The following DCAKD variants were observed in gnomAD, a reference collection of about 807,000 sequenced individuals.
DCAKD encodes the protein dephospho-CoA kinase domain containing.
Under a neutral mutation model 18.7 loss-of-function variants are expected in DCAKD, and 15 were observed. The observed-to-expected ratio is 0.80, with a 90% CI of 0.54 to 1.24. DCAKD has a LOEUF of 1.24. Ranked by LOEUF, DCAKD falls within the 50% of genes most tolerant of loss-of-function variation. DCAKD has a pLI of 0.00. For missense variants in DCAKD, 301 were observed against 322.0 expected, an observed-to-expected ratio of 0.93 and a Z score of 0.50; for synonymous variants, 130 against 133.0, an observed-to-expected ratio of 0.98 and a Z score of 0.16.
chr17:45,041,316 C>CA (rs1262840994), intron 1 of DCAKD, among the ~76,000 whole-genome samples: 1 of 145,362 alleles, frequency 6.9e-6, no homozygotes, highest in East Asian at 2.0e-4. Flanking sequence ...CATGCGGGCT[C>CA]TTTTTTTTTT....
At chr17:45,024,831 TG>T in intron 4 of DCAKD, 107 bp from the exon 5 acceptor site, 1 of 1,358,370 alleles carries the variant, frequency 7.4e-7, no homozygotes, top group Non-Finnish European at 9.8e-7. Context: ...GCATGGGGAC[TG>T]GATCTTCCCT....
In DCAKD at chr17:45,023,407, C is replaced by G. The variant is rs1014829063; in HGVS notation, c.*1026G>C. The G allele has an allele frequency of 2.3e-4, 35 of 152,106 alleles. No individual in the cohort carries two copies. Among genetic ancestry groups the G allele is most frequent in the African/African-American group, 8.2e-4 (34 of 41,412 alleles). 9.4% of individuals were successfully genotyped at this position (152,106 alleles called of 1,614,324 possible). ...CACCAACAGCGGGCCAGGCTCTGCA[C>G]TAAGAACACAGAGATGAATAAGACA... On this transcript the variant is annotated 3_prime_UTR_variant, in exon 5 of 5. Coordinates refer to ENST00000651974, the MANE Select transcript of DCAKD (RefSeq NM_001288655.2).
intron 4 of DCAKD, among the ~76,000 whole-genome samples, chr17:45,028,074 T>C (rs1452270272): frequency 2.7e-5 from 4 of 150,816 alleles, no homozygotes; most frequent in East Asian, 3.9e-4. Flanking sequence ...CACATGCAGG[T>C]GTCGGCCCCT....
At position 45,036,626 on chromosome 17, in the gene DCAKD, T is replaced by C. The variant is rs190833208; in HGVS notation, c.-114-1627A>G. On this transcript the variant is annotated intron_variant, in intron 1 of 4. Coordinates refer to ENST00000651974, the MANE Select transcript of DCAKD (RefSeq NM_001288655.2). ...GAGGATAGTGATACAGGGTGAAAAGTAGGAGTTACAGTTCCACTGCAAGGC... is the reference window on the plus strand; with the variant it reads ...GAGGATAGTGATACAGGGTGAAAAGCAGGAGTTACAGTTCCACTGCAAGGC... Among the ~76,000 whole-genome samples the C allele has an allele frequency of 5.3e-5, 8 of 151,614 alleles. No homozygotes were observed. The East Asian group carries it at 1.6e-3, about 29-fold the overall frequency.
At chr17:45,048,415 G>A (rs1197536708) in intron 1 of DCAKD, among the ~76,000 whole-genome samples, 1 of 151,968 alleles carries the variant, frequency 6.6e-6, no homozygotes, top group African/African-American at 2.4e-5. Flanking sequence ...GGCCGAGGGC[G>A]GATCACGAGG....
Position 45,024,293 on chromosome 17 carries a change from G to A in DCAKD, c.*140C>T. Reference sequence around the variant, plus strand: ...GCCCTGATTCGGAGAGTCCGTGTGTGTGTGTGTGTGTGTGTGTGTGTGTGT... The same window carrying A: ...GCCCTGATTCGGAGAGTCCGTGTGTATGTGTGTGTGTGTGTGTGTGTGTGT... On this transcript the variant is annotated 3_prime_UTR_variant, in exon 5 of 5. Transcript: ENST00000651974. 1 of 394,558 alleles carries A rather than the reference G, an allele frequency of 2.5e-6. No homozygotes were observed. 24.4% of individuals were successfully genotyped at this position (394,558 alleles called of 1,614,324 possible).
chr17:45,025,420 C>T (rs542903654), intron 4 of DCAKD, among the ~76,000 whole-genome samples: 91 of 152,284 alleles, frequency 6.0e-4, no homozygotes, highest in African/African-American at 2.1e-3. Flanking sequence ...GGATTCAGCA[C>T]TGCAGATTAG....
At chr17:45,031,390 A>C (rs2053168464) in intron 3 of DCAKD, 1 of 978,120 alleles carries the variant, frequency 1.0e-6, no homozygotes, top group Non-Finnish European at 1.2e-6. Flanking sequence ...CCACCATGTG[A>C]CCTTGGGCCC....
In DCAKD at chr17:45,033,906, T is replaced by G. The variant is rs1164633124; in HGVS notation, c.316+281A>C. The G allele has an allele frequency of 3.5e-6, 5 of 1,420,888 alleles. No homozygotes were observed. In the South Asian group the frequency reaches 6.5e-5, roughly 18 times the overall value. The allele number at this position is 1,420,888 out of a possible 1,614,324, so 88.0% of individuals were successfully genotyped here. A position where few individuals can be genotyped will look rare whatever the true frequency, so the allele number is the denominator to read the frequency against. ...TCCATTATTCACCAGCTCTTATTAC[T>G]CCCATCCCTACTAGAAAAACCAACT... On this transcript the variant is annotated intron_variant, in intron 3 of 4. Transcript: ENST00000651974.
At chr17:45,044,974 G>C (rs1213552973) in intron 1 of DCAKD, among the ~76,000 whole-genome samples, 1 of 152,220 alleles carries the variant, frequency 6.6e-6, no homozygotes, top group Non-Finnish European at 1.5e-5. Flanking sequence ...AGGGCATGGA[G>C]TTTATATGAA....
intron 3 of DCAKD, chr17:45,031,279 A>T (rs2053166592): frequency 1.0e-6 from 1 of 985,066 alleles, no homozygotes; most frequent in Non-Finnish European, 1.2e-6. Context: ...GTTCCCCAAG[A>T]CCTGCTGCTC....
intron 1 of DCAKD, among the ~76,000 whole-genome samples, chr17:45,058,007 T>TC (rs1315055136): frequency 3.8e-5 from 2 of 53,182 alleles, no homozygotes; most frequent in African/African-American, 8.2e-5. Flanking sequence ...AGATTCCGTC[T>TC]CAAAAAAAAA....
intron 1 of DCAKD, among the ~76,000 whole-genome samples, chr17:45,048,529 CAG>C (rs2143364811): frequency 1.3e-5 from 2 of 152,284 alleles, no homozygotes; most frequent in Non-Finnish European, 2.9e-5. Context: ...CCCAGCTACT[CAG>C]GAGGCTGAGG....
intron 1 of DCAKD, among the ~76,000 whole-genome samples, chr17:45,059,691 GC>G (rs1168343216): frequency 6.6e-6 from 1 of 152,138 alleles, no homozygotes; most frequent in Non-Finnish European, 1.5e-5. Context: ...TTTTATGGTG[GC>G]AAAGAATTCA....
chr17:45,027,081 G>C (rs745984567), intron 4 of DCAKD, among the ~76,000 whole-genome samples: 1 of 152,220 alleles, frequency 6.6e-6, no homozygotes, highest in Non-Finnish European at 1.5e-5. Flanking sequence ...AGTGGCTCAT[G>C]CCTATAATCC....
At chr17:45,034,510 C>A in intron 2 of DCAKD, 120 bp from the exon 3 acceptor site, 1 of 1,156,914 alleles carries the variant, frequency 8.6e-7, no homozygotes, top group Non-Finnish European at 1.2e-6. Context: ...GGAGCAAAAG[C>A]AAAATGAGGG....
intron 1 of DCAKD, among the ~76,000 whole-genome samples, chr17:45,058,574 T>C (rs918428898): frequency 1.3e-5 from 2 of 151,814 alleles, no homozygotes; most frequent in Non-Finnish European, 2.9e-5. Flanking sequence ...CGCCCACCAC[T>C]AAGCCCAGCT....
At position 45,024,665 on chromosome 17, in the gene DCAKD, G is replaced by C; in HGVS notation, c.464C>G (p.Ala155Gly). 6.2e-7 allele frequency: 1 copy of C among 1,609,202 alleles called. No individual in the cohort carries two copies. The highest frequency in any genetic ancestry group is 8.5e-7 in the Non-Finnish European group (1 of 1,176,326). Residue 155 changes from alanine (A) to glycine (G), a missense_variant, in exon 5 of 5, where the codon GCA becomes GGA. By Grantham distance (60) the Ala-to-Gly change is moderately conservative (BLOSUM62 0). Coordinates refer to ENST00000651974, the MANE Select transcript of DCAKD (RefSeq NM_001288655.2). ...CAGCTGGGCATTGATGCGGGCCTCT[G>C]CGTCCTTGCGGTTCAGGCTGTTCCG... ...MRRNSLNRKD[A>G]EARINAQLPL...
intron 1 of DCAKD, among the ~76,000 whole-genome samples, chr17:45,043,618 G>C (rs941517384): frequency 6.6e-6 from 1 of 152,166 alleles, no homozygotes; most frequent in Non-Finnish European, 1.5e-5. Flanking sequence ...GACGGGAGGC[G>C]GCACGGACGC....
Sources: gnomAD v4.1 joint callset for allele counts (sites outside exome capture counted in the v4.1 genomes callset) on GRCh38, gnomAD v4.1.1 for gene constraint, MANE v1.5 for transcripts, NCBI Gene and HGNC (gene_info 2026-07-23, HGNC 2026-07-21) for gene names.